The following DYNC1I1 variants were observed in gnomAD, a reference collection of about 807,000 sequenced individuals.
DYNC1I1 encodes the protein cytoplasmic dynein 1 intermediate chain 1.
A neutral mutation model predicts 86.6 loss-of-function variants in DYNC1I1; 43 were observed. The ratio of observed to expected loss-of-function variants is 0.50; its 90% confidence interval spans 0.39 to 0.64. The LOEUF (loss-of-function observed/expected upper bound fraction) is 0.64, where lower values mean the gene tolerates loss of function less well. Among genes scored for constraint, DYNC1I1 ranks in the 30% least tolerant of loss-of-function variants. DYNC1I1 has a pLI of 0.00. For synonymous variants in DYNC1I1, 262 were observed against 283.7 expected, an observed-to-expected ratio of 0.92 and a Z score of 0.77; for missense variants, 604 against 788.8, an observed-to-expected ratio of 0.77 and a Z score of 2.81.
chr7:95,892,130 G>A (rs1161693949), intron 6 of DYNC1I1, among the ~76,000 whole-genome samples: 1 of 151,638 alleles, frequency 6.6e-6, no homozygotes, highest in Non-Finnish European at 1.5e-5. Context: ...ACCATGCCCA[G>A]CTAATTTTTT....
rs1449496409 is a variant in DYNC1I1 at position 95,996,029 on chromosome 7, A to G, written c.925A>G (p.Met309Val). The change falls in exon 10 of 17, where the codon ATG becomes GTG. Residue 309 changes from methionine to valine, a missense_variant. By Grantham distance (21) the Met-to-Val change is conservative. Coordinates refer to ENST00000447467, the MANE Select transcript of DYNC1I1 (RefSeq NM_001135556.2). ...EPDGVALVWNMKFKKTTPEYV... is the reference protein window; with the variant it reads ...EPDGVALVWNVKFKKTTPEYV... ...AGATGGAGTGGCCTTGGTTTGGAAC[A>G]TGAAGTTTAAGAAAACCACACCAGA... 2 of 1,614,030 alleles carry G rather than the reference A, an allele frequency of 1.2e-6. No individual in the cohort carries two copies. The highest frequency in any genetic ancestry group is 1.7e-5 in the Admixed American group (1 of 60,002).
chr7:95,845,352 C>T (rs1379038449), intron 5 of DYNC1I1, among the ~76,000 whole-genome samples: 1 of 152,202 alleles, frequency 6.6e-6, no homozygotes, highest in Non-Finnish European at 1.5e-5. Context: ...TACAGAAAAT[C>T]TAACTAGGAA....
chr7:95,990,907 G>C (rs1319893718), intron 9 of DYNC1I1, among the ~76,000 whole-genome samples: 5 of 152,100 alleles, frequency 3.3e-5, no homozygotes, highest in Non-Finnish European at 5.9e-5. Flanking sequence ...GTGCATGCCT[G>C]CAGCCCCAGC....
At chr7:96,077,276 TGG>T (rs889729995) in intron 15 of DYNC1I1, among the ~76,000 whole-genome samples, 9 of 137,342 alleles carry the variant, frequency 6.6e-5, no homozygotes, top group African/African-American at 1.1e-4. Flanking sequence ...TGTGTGTGTG[TGG>T]GAGGGGGCAG....
At chr7:96,019,648 A>G (rs1219268799) in intron 10 of DYNC1I1, among the ~76,000 whole-genome samples, 2 of 152,158 alleles carry the variant, frequency 1.3e-5, no homozygotes, top group Non-Finnish European at 2.9e-5. Flanking sequence ...CACATCACAG[A>G]TCAATAGAGT....
At chr7:96,019,465 C>T (rs758015776) in intron 10 of DYNC1I1, among the ~76,000 whole-genome samples, 5 of 151,778 alleles carry the variant, frequency 3.3e-5, no homozygotes, top group East Asian at 1.9e-4. Flanking sequence ...ATGCCCCAGT[C>T]GCACCCCCAG....
chr7:95,978,604 T>C (rs575486859), intron 7 of DYNC1I1, among the ~76,000 whole-genome samples: 1 of 152,304 alleles, frequency 6.6e-6, no homozygotes, highest in Admixed American at 6.5e-5. Context: ...GATTAGAAGC[T>C]CATTTGATCT....
intron 6 of DYNC1I1, among the ~76,000 whole-genome samples, chr7:95,959,068 A>G (rs1421607654): frequency 6.6e-6 from 1 of 152,178 alleles, no homozygotes; most frequent in African/African-American, 2.4e-5. Context: ...GAGTTAAGTG[A>G]ATAAAGAAGC....
At chr7:95,835,156 AT>A (rs1186122276) in intron 5 of DYNC1I1, among the ~76,000 whole-genome samples, 2 of 87,902 alleles carry the variant, frequency 2.3e-5, no homozygotes, top group African/African-American at 5.6e-5. Context: ...CGTCCCAGAC[AT>A]TCTGGTATGT....
intron 6 of DYNC1I1, among the ~76,000 whole-genome samples, chr7:95,952,749 C>T (rs1021060970): frequency 6.6e-6 from 1 of 152,086 alleles, no homozygotes; most frequent in African/African-American, 2.4e-5. Flanking sequence ...TAAAAAAAAG[C>T]TTCAATATGT....
chr7:95,821,275 A>G (rs890654468), intron 4 of DYNC1I1, among the ~76,000 whole-genome samples: 1 of 152,212 alleles, frequency 6.6e-6, no homozygotes, highest in African/African-American at 2.4e-5. Flanking sequence ...TGACACATTT[A>G]ATTTGAATCT....
At chr7:95,885,154 T>C (rs1790560619) in intron 6 of DYNC1I1, among the ~76,000 whole-genome samples, 1 of 152,192 alleles carries the variant, frequency 6.6e-6, no homozygotes, top group African/African-American at 2.4e-5. Flanking sequence ...AGAATTCTTA[T>C]TGTGAGATGT....
At chr7:95,812,444 C>G (rs1019362729) in intron 3 of DYNC1I1, among the ~76,000 whole-genome samples, 2 of 152,088 alleles carry the variant, frequency 1.3e-5, no homozygotes, top group African/African-American at 4.8e-5. Flanking sequence ...ATTATGCCTG[C>G]TCTCAGATTT....
chr7:96,002,240 T>A (rs761362010), intron 10 of DYNC1I1, among the ~76,000 whole-genome samples: 1 of 152,194 alleles, frequency 6.6e-6, no homozygotes, highest in Non-Finnish European at 1.5e-5. Context: ...GCCTAGGCCC[T>A]GTTCACATTG....
chr7:95,911,517 C>T (rs997050199), intron 6 of DYNC1I1, among the ~76,000 whole-genome samples: 1 of 152,116 alleles, frequency 6.6e-6, no homozygotes, highest in Non-Finnish European at 1.5e-5. Flanking sequence ...AAGCACTCCT[C>T]CTGAGAAGTG....
rs185997636 is a variant in DYNC1I1, at chr7:95,982,527, C to T, written c.581-2288C>T. On this transcript the variant is annotated intron_variant, in intron 7 of 16. Coordinates refer to ENST00000447467, the MANE Select transcript of DYNC1I1 (RefSeq NM_001135556.2). ...AAAATTACAGAAAATTACATAGATA[C>T]CATTTTTTATTCAAGGTAATGGACC... is the stretch of plus-strand genomic sequence containing the variant. Among the ~76,000 whole-genome samples, 209 of 152,014 alleles carry T rather than the reference C, an allele frequency of 1.4e-3. 1 individual carries two copies. Among genetic ancestry groups the T allele is most frequent in the African/African-American group, 4.5e-3 (187 of 41,462 alleles).
chr7:96,065,378 C>CTTTG (rs1358476458), intron 14 of DYNC1I1, among the ~76,000 whole-genome samples: 6 of 127,584 alleles, frequency 4.7e-5, no homozygotes, highest in African/African-American at 1.8e-4. Context: ...TTCTTTCTTT[C>CTTTG]TTTTTTTTTT....
chr7:95,881,717 A>G (rs1790460055), intron 6 of DYNC1I1, among the ~76,000 whole-genome samples: 1 of 152,240 alleles, frequency 6.6e-6, no homozygotes, highest in Non-Finnish European at 1.5e-5. Flanking sequence ...CGATGGCTCA[A>G]AGCAAGTGAG....
At chr7:96,022,642 T>C (rs777112096) in intron 10 of DYNC1I1, among the ~76,000 whole-genome samples, 2 of 151,824 alleles carry the variant, frequency 1.3e-5, no homozygotes, top group Non-Finnish European at 2.9e-5. Context: ...GCAGGAAGAT[T>C]GCTTGAGCCC....
Sources: gnomAD v4.1 joint callset for allele counts (sites outside exome capture counted in the v4.1 genomes callset) on GRCh38, gnomAD v4.1.1 for gene constraint, MANE v1.5 for transcripts, NCBI Gene and HGNC (gene_info 2026-07-23, HGNC 2026-07-21) for gene names.